SEMA3A: variants seen among roughly 807,000 people sequenced by gnomAD.
SEMA3A encodes semaphorin 3A.
Under a neutral mutation model 97.9 loss-of-function variants are expected in SEMA3A, and 29 were observed. The observed-to-expected ratio is 0.30, with a 90% CI of 0.22 to 0.40. The LOEUF (loss-of-function observed/expected upper bound fraction) is 0.40, where lower values mean the gene tolerates loss of function less well. Among genes scored for constraint, SEMA3A ranks in the 10% least tolerant of loss-of-function variants. The probability of loss-of-function intolerance (pLI) is 1.00; values close to 1 mark genes in which losing one functional copy is unlikely to be tolerated. For synonymous variants in SEMA3A, 321 were observed against 323.7 expected, an observed-to-expected ratio of 0.99 and a Z score of 0.09; for missense variants, 763 against 951.3, an observed-to-expected ratio of 0.80 and a Z score of 2.60.
intron 2 of SEMA3A, among the ~76,000 whole-genome samples, chr7:84,337,994 C>A (rs991579216): frequency 6.6e-6 from 1 of 151,994 alleles, no homozygotes; most frequent in African/African-American, 2.4e-5. Flanking sequence ...CTGACAAAAG[C>A]TTTATGTTAT....
chr7:84,452,876 T>C (rs1374779778), intron 1 of SEMA3A, among the ~76,000 whole-genome samples: 1 of 152,132 alleles, frequency 6.6e-6, no homozygotes, highest in Non-Finnish European at 1.5e-5. Context: ...GGTCACTTGT[T>C]ACTCTGTGTG....
chr7:84,317,498 C>T (rs1801538071), intron 2 of SEMA3A, among the ~76,000 whole-genome samples: 1 of 152,086 alleles, frequency 6.6e-6, no homozygotes, highest in African/African-American at 2.4e-5. Flanking sequence ...TAGCTTCCTT[C>T]TTTTTATATT....
At chr7:84,222,748 T>C (rs1159764969) in intron 3 of SEMA3A, among the ~76,000 whole-genome samples, 1 of 151,868 alleles carries the variant, frequency 6.6e-6, no homozygotes, top group East Asian at 1.9e-4. Flanking sequence ...GCCTTATTCA[T>C]TTACCCATTA....
At chr7:84,396,372 T>C (rs1803732988) in intron 1 of SEMA3A, among the ~76,000 whole-genome samples, 2 of 151,682 alleles carry the variant, frequency 1.3e-5, no homozygotes, top group African/African-American at 2.4e-5. Context: ...ATAGTAACTA[T>C]AGTCGTATAG....
At chr7:84,321,872 G>GAAAAAAAAAA (rs1156548285) in intron 2 of SEMA3A, among the ~76,000 whole-genome samples, 12 of 11,992 alleles carry the variant, frequency 1.0e-3, no homozygotes, top group Non-Finnish European at 1.4e-3. Flanking sequence ...CGAGACTACG[G>GAAAAAAAAAA]AAAAAAAAAA....
At chr7:84,349,475 T>C (rs1802383421) in intron 2 of SEMA3A, among the ~76,000 whole-genome samples, 1 of 152,112 alleles carries the variant, frequency 6.6e-6, no homozygotes, top group African/African-American at 2.4e-5. Context: ...AATTGAGAAA[T>C]GATAAATTGT....
At chr7:84,157,975 A>G (rs1212111313) in intron 1 of SEMA3A, among the ~76,000 whole-genome samples, 1 of 152,024 alleles carries the variant, frequency 6.6e-6, no homozygotes, top group Non-Finnish European at 1.5e-5. Context: ...TCCCTGCCAT[A>G]ATAGAGCCAG....
chr7:84,397,393 C>A (rs544385043), intron 1 of SEMA3A, among the ~76,000 whole-genome samples: 1 of 147,062 alleles, frequency 6.8e-6, no homozygotes, highest in South Asian at 2.1e-4. Context: ...AAACAAAAAC[C>A]AAAATATATA....
chr7:84,452,000 T>G (rs1233087536), intron 1 of SEMA3A, among the ~76,000 whole-genome samples: 2 of 152,192 alleles, frequency 1.3e-5, no homozygotes, highest in African/African-American at 4.8e-5. Flanking sequence ...ATAAGTGAAT[T>G]TAGTAGCAAA....
At chr7:84,209,830 A>G (rs1798583119) in intron 3 of SEMA3A, among the ~76,000 whole-genome samples, 1 of 152,176 alleles carries the variant, frequency 6.6e-6, no homozygotes, top group African/African-American at 2.4e-5. Context: ...CCTACACTAG[A>G]CTCTGAAGTA....
chr7:84,404,745 T>C (rs1208187289), intron 1 of SEMA3A, among the ~76,000 whole-genome samples: 1 of 152,208 alleles, frequency 6.6e-6, no homozygotes, highest in Admixed American at 6.5e-5. Flanking sequence ...ATATTCAACA[T>C]TCTTAAAGGA....
chr7:84,378,413 C>A (rs1435508664), intron 1 of SEMA3A, among the ~76,000 whole-genome samples: 3 of 152,110 alleles, frequency 2.0e-5, no homozygotes, highest in Admixed American at 6.6e-5. Flanking sequence ...TTTGCAGGGA[C>A]ATGGGCGAAG....
intron 3 of SEMA3A, among the ~76,000 whole-genome samples, chr7:84,235,169 T>C (rs1799205934): frequency 6.6e-6 from 1 of 152,098 alleles, no homozygotes; most frequent in African/African-American, 2.4e-5. Flanking sequence ...ATGTATTTTT[T>C]CAATTGTTCA....
chr7:84,379,775 C>T (rs1333356009), intron 1 of SEMA3A, among the ~76,000 whole-genome samples: 1 of 152,098 alleles, frequency 6.6e-6, no homozygotes, highest in Non-Finnish European at 1.5e-5. Context: ...TTTTTGTAAA[C>T]AATAAATTTC....
chr7:84,276,922 C>CAT (rs1452928901), intron 3 of SEMA3A, among the ~76,000 whole-genome samples: 1 of 152,072 alleles, frequency 6.6e-6, no homozygotes, highest in African/African-American at 2.4e-5. Context: ...CAGACTTAGT[C>CAT]ATTTTATTTC....
At chr7:84,423,804 C>G (rs1352596009) in intron 1 of SEMA3A, among the ~76,000 whole-genome samples, 1 of 151,394 alleles carries the variant, frequency 6.6e-6, no homozygotes, top group Non-Finnish European at 1.5e-5. Flanking sequence ...AACAAATCAG[C>G]AAGAAAAAAA....
intron 1 of SEMA3A, among the ~76,000 whole-genome samples, chr7:84,398,212 T>C (rs1803789740): frequency 6.6e-6 from 1 of 152,202 alleles, no homozygotes; most frequent in Non-Finnish European, 1.5e-5. Flanking sequence ...CCAGAACTAA[T>C]TTTCATTCCA....
At chr7:84,047,489 C>T (rs1792401434) in intron 5 of SEMA3A, among the ~76,000 whole-genome samples, 1 of 151,894 alleles carries the variant, frequency 6.6e-6, no homozygotes, top group African/African-American at 2.4e-5. Context: ...CTGTTTAATC[C>T]CAAGCCTTTT....
At chr7:84,189,514 G>C (rs1296719102) in intron 1 of SEMA3A, among the ~76,000 whole-genome samples, 2 of 151,778 alleles carry the variant, frequency 1.3e-5, no homozygotes, top group East Asian at 3.9e-4. Context: ...TGATACAAAG[G>C]TGTGTCACTG....
Sources: gnomAD v4.1 joint callset for allele counts (sites outside exome capture counted in the v4.1 genomes callset) on GRCh38, gnomAD v4.1.1 for gene constraint, MANE v1.5 for transcripts, NCBI Gene and HGNC (gene_info 2026-07-23, HGNC 2026-07-21) for gene names.